LRP1B: variants seen among roughly 807,000 people sequenced by gnomAD.
LRP1B encodes the protein low-density lipoprotein receptor-related protein 1B.
In LRP1B, 217 loss-of-function variants were observed where a neutral mutation model predicts 556.6. The observed-to-expected ratio is 0.39, with a 90% CI of 0.35 to 0.44. The LOEUF (loss-of-function observed/expected upper bound fraction) is 0.44, where lower values mean the gene tolerates loss of function less well. Among genes scored for constraint, LRP1B ranks in the 20% least tolerant of loss-of-function variants. The pLI is 1.00. For synonymous variants in LRP1B, 2,047 were observed against 1,865.8 expected (o/e 1.10, Z -2.50); for missense variants, 5,053 against 5,620.8 (o/e 0.90, Z 3.23).
rs115320952 is a variant in LRP1B at position 140,741,543 on chromosome 2, C to T, written c.5759-24727G>A. ...GCAGGTTTGTTACATGGGTAAATTG[C>T]ATATCACAGGAGTTTGGTGTACAAA... is the stretch of plus-strand genomic sequence containing the variant. On this transcript the variant is annotated intron_variant, in intron 35 of 90. Transcript: ENST00000389484. Among the ~76,000 whole-genome samples, 420 of 151,954 alleles carry T rather than the reference C, an allele frequency of 2.8e-3. 2 individuals are homozygous for T. The highest frequency in any genetic ancestry group is 9.6e-3 in the African/African-American group (399 of 41,470).
chr2:140,420,182 T>TA (rs1407196466), intron 66 of LRP1B, among the ~76,000 whole-genome samples: 10 of 151,080 alleles, frequency 6.6e-5, no homozygotes, highest in African/African-American at 9.7e-5. Context: ...TGGATGCAGA[T>TA]AAAAAAAGTG....
chr2:141,919,279 C>T (rs1047266473), intron 1 of LRP1B, among the ~76,000 whole-genome samples: 7 of 151,940 alleles, frequency 4.6e-5, no homozygotes, highest in African/African-American at 1.7e-4. Context: ...AATTCAAATG[C>T]TATATTTTCA....
At chr2:140,981,924 G>GT (rs1385875347) in intron 18 of LRP1B, among the ~76,000 whole-genome samples, 16 of 152,266 alleles carry the variant, frequency 1.1e-4, no homozygotes, top group African/African-American at 3.9e-4. Flanking sequence ...AATCTGCAAT[G>GT]TTTAAATCCA....
chr2:142,036,598 T>C (rs565986537), intron 1 of LRP1B, among the ~76,000 whole-genome samples: 2 of 151,820 alleles, frequency 1.3e-5, no homozygotes, highest in African/African-American at 2.4e-5. Context: ...TAAGTAATAT[T>C]TTCTCTACAA....
At chr2:142,026,400 C>A (rs778084411) in intron 1 of LRP1B, among the ~76,000 whole-genome samples, 15 of 152,080 alleles carry the variant, frequency 9.9e-5, no homozygotes, top group Non-Finnish European at 4.4e-5. Context: ...TGCGACCAGC[C>A]TCCCATGTCA....
rs1256308899 is a variant in LRP1B, at chr2:140,514,735, T to C, written c.8187A>G (p.Ala2729=). 4 of 1,612,124 alleles carry C rather than the reference T, an allele frequency of 2.5e-6. No individual in the cohort carries two copies. Among genetic ancestry groups the C allele is most frequent in the African/African-American group, 1.3e-5 (1 of 74,742 alleles). Residue 2729 remains alanine (A), a synonymous_variant, in exon 51 of 91, where the codon GCA becomes GCG. Coordinates refer to ENST00000389484, the MANE Select transcript of LRP1B (RefSeq NM_018557.3). Reference sequence around the variant, plus strand: ...TCCAATGCTTAGAAATACATTTTTGTGCGGAACAAGCAAATTGGTTCCAAG... The same window carrying C: ...TCCAATGCTTAGAAATACATTTTTGCGCGGAACAAGCAAATTGGTTCCAAG... The part of the protein sequence containing the change: ...SCSWNQFACS[A]QKCISKHWIC...
chr2:141,814,847 G>A (rs958441944), intron 1 of LRP1B, among the ~76,000 whole-genome samples: 4 of 151,924 alleles, frequency 2.6e-5, no homozygotes, highest in African/African-American at 9.7e-5. Flanking sequence ...AAATTAAAGT[G>A]AGAAGAGGGT....
intron 25 of LRP1B, among the ~76,000 whole-genome samples, chr2:140,882,494 G>A (rs567641760): frequency 2.6e-5 from 4 of 152,202 alleles, no homozygotes; most frequent in South Asian, 2.1e-4. Context: ...ACAAAAGAAG[G>A]CAGAAATCCA....
At chr2:140,980,405 C>T (rs1171150786) in intron 18 of LRP1B, among the ~76,000 whole-genome samples, 3 of 152,138 alleles carry the variant, frequency 2.0e-5, no homozygotes, top group African/African-American at 7.2e-5. Flanking sequence ...GAATACACTG[C>T]TCAACCCACT....
At chr2:141,369,728 G>A (rs917222632) in intron 3 of LRP1B, among the ~76,000 whole-genome samples, 6 of 152,004 alleles carry the variant, frequency 3.9e-5, no homozygotes, top group African/African-American at 1.5e-4. Flanking sequence ...TTGCATTGTG[G>A]TGAACTCAGG....
At chr2:140,993,557 C>A (rs774481354) in intron 16 of LRP1B, among the ~76,000 whole-genome samples, 5 of 152,074 alleles carry the variant, frequency 3.3e-5, no homozygotes, top group Non-Finnish European at 7.4e-5. Flanking sequence ...AAACCCATGT[C>A]TGTTTCCTTG....
intron 63 of LRP1B, among the ~76,000 whole-genome samples, chr2:140,445,520 A>G (rs1345085409): frequency 6.6e-6 from 1 of 152,158 alleles, no homozygotes; most frequent in Non-Finnish European, 1.5e-5. Flanking sequence ...TTATTATACA[A>G]GAGAACAATA....
intron 18 of LRP1B, among the ~76,000 whole-genome samples, chr2:140,966,239 T>C (rs1401876787): frequency 2.6e-5 from 4 of 152,232 alleles, no homozygotes; most frequent in African/African-American, 7.2e-5. Context: ...TTTTTAATGA[T>C]TGCCATTCTA....
intron 6 of LRP1B, among the ~76,000 whole-genome samples, chr2:141,226,290 T>A (rs960608905): frequency 7.9e-5 from 12 of 152,164 alleles, no homozygotes; most frequent in African/African-American, 2.7e-4. Context: ...CAGCTTTACC[T>A]AATACATCTG....
chr2:141,440,368 A>C (rs1680917802), intron 3 of LRP1B, among the ~76,000 whole-genome samples: 1 of 152,214 alleles, frequency 6.6e-6, no homozygotes, highest in Non-Finnish European at 1.5e-5. Context: ...CTTCCTCCAC[A>C]CTGAACTCCT....
intron 26 of LRP1B, 54 bp from the exon 27 acceptor site, chr2:140,867,888 G>A (rs1391221444): frequency 6.8e-7 from 1 of 1,464,698 alleles, no homozygotes; most frequent in Non-Finnish European, 9.1e-7. Context: ...AACTAGTCCA[G>A]AGACATAATC....
intron 1 of LRP1B, among the ~76,000 whole-genome samples, chr2:141,842,081 A>G (rs1288816728): frequency 1.3e-5 from 2 of 152,124 alleles, no homozygotes; most frequent in East Asian, 3.9e-4. Flanking sequence ...GCCATGTGTA[A>G]GAGTTGGTTG....
At chr2:140,875,810 T>G (rs193075965) in intron 25 of LRP1B, among the ~76,000 whole-genome samples, 1 of 152,308 alleles carries the variant, frequency 6.6e-6, no homozygotes, top group East Asian at 1.9e-4. Flanking sequence ...GTTATTGGTA[T>G]GTGTTCAAAA....
intron 21 of LRP1B, among the ~76,000 whole-genome samples, chr2:140,913,655 A>G (rs562857256): frequency 1.3e-5 from 2 of 152,140 alleles, no homozygotes; most frequent in Non-Finnish European, 2.9e-5. Flanking sequence ...TAGGGCATAG[A>G]TAGTAGAAGA....
Sources: allele counts gnomAD v4.1 joint callset (sites outside exome capture counted in the v4.1 genomes callset), GRCh38; gene constraint gnomAD v4.1.1; transcripts MANE v1.5; gene names NCBI Gene and HGNC (gene_info 2026-07-23, HGNC 2026-07-21).